GRIN2A: variants seen among roughly 807,000 people sequenced by gnomAD.
GRIN2A encodes the protein glutamate ionotropic receptor NMDA type subunit 2A, also known as glutamate receptor ionotropic, NMDA 2A.
In GRIN2A, 22 loss-of-function variants were observed where a neutral mutation model predicts 113.4. That is an observed-to-expected ratio of 0.19 (90% CI 0.14 to 0.28). The LOEUF (loss-of-function observed/expected upper bound fraction) is 0.28, where lower values mean the gene tolerates loss of function less well. Among genes scored for constraint, GRIN2A ranks in the 10% least tolerant of loss-of-function variants. The pLI is 1.00. For missense variants in GRIN2A, 1,502 were observed against 1,887.0 expected, an observed-to-expected ratio of 0.80 and a Z score of 3.78; for synonymous variants, 827 against 738.4, an observed-to-expected ratio of 1.12 and a Z score of -1.94.
At chr16:10,067,722 C>T (rs1319006792) in intron 2 of GRIN2A, among the ~76,000 whole-genome samples, 1 of 152,090 alleles carries the variant, frequency 6.6e-6, no homozygotes, top group Non-Finnish European at 1.5e-5. Flanking sequence ...TGGTTCTATA[C>T]TGGGGACACA....
intron 2 of GRIN2A, among the ~76,000 whole-genome samples, chr16:10,072,946 C>CCCCTT (rs565877354): frequency 1.2e-4 from 13 of 104,232 alleles, no homozygotes; most frequent in South Asian, 3.3e-4. Flanking sequence ...ACAAGACCCC[C>CCCCTT]TTTTTTTTTT....
chr16:10,001,416 G>A (rs1227788731), intron 2 of GRIN2A, among the ~76,000 whole-genome samples: 1 of 152,204 alleles, frequency 6.6e-6, no homozygotes, highest in Non-Finnish European at 1.5e-5. Flanking sequence ...GGAATGACCA[G>A]TGGCAAAGAT....
Position 9,849,803 on chromosome 16 carries a change from C to G in GRIN2A, c.1281G>C (p.Glu427Asp). 1.9e-6 allele frequency: 3 copies of G among 1,614,112 alleles called. No homozygotes were observed. Among genetic ancestry groups the G allele is most frequent in the Non-Finnish European group, 1.7e-6 (2 of 1,180,006 alleles). ...VIVEDIDPLT[E>D]TCVRNTVPCR... ...ATGGCACGGTGTTCCTCACACACGTCTCGGTCAGGGGGTCTATGTCTTCCA... is the reference window on the plus strand; with the variant it reads ...ATGGCACGGTGTTCCTCACACACGTGTCGGTCAGGGGGTCTATGTCTTCCA... Residue 427 changes from glutamate to aspartate, a missense_variant, in exon 5 of 13, where the codon GAG (glutamate) becomes GAC (aspartate). Coordinates refer to ENST00000330684, the MANE Select transcript of GRIN2A (RefSeq NM_001134407.3).
intron 2 of GRIN2A, among the ~76,000 whole-genome samples, chr16:9,978,030 A>G (rs1380735727): frequency 2.0e-5 from 3 of 152,196 alleles, no homozygotes; most frequent in African/African-American, 7.2e-5. Context: ...GCTGTGCCAT[A>G]TATTCACTGG....
At chr16:10,099,481 A>ACCCC (rs55716830) in intron 2 of GRIN2A, among the ~76,000 whole-genome samples, 5 of 151,744 alleles carry the variant, frequency 3.3e-5, no homozygotes, top group African/African-American at 1.2e-4. Context: ...CCTCCCTTGC[A>ACCCC]CCCCCTTCCT....
At chr16:10,029,666 G>C (rs970221201) in intron 2 of GRIN2A, among the ~76,000 whole-genome samples, 1 of 152,108 alleles carries the variant, frequency 6.6e-6, no homozygotes, top group Admixed American at 6.5e-5. Flanking sequence ...ATTCATGCAG[G>C]GGCTTCTTCA....
At chr16:9,992,892 A>G (rs2046147952) in intron 2 of GRIN2A, among the ~76,000 whole-genome samples, 1 of 152,176 alleles carries the variant, frequency 6.6e-6, no homozygotes, top group Non-Finnish European at 1.5e-5. Context: ...TTCCTGCCAT[A>G]ATAATGATAA....
intron 3 of GRIN2A, among the ~76,000 whole-genome samples, chr16:9,900,796 A>G (rs907773941): frequency 4.6e-5 from 7 of 152,164 alleles, no homozygotes; most frequent in Non-Finnish European, 7.3e-5. Context: ...CTCATGACTA[A>G]GGATCACCTA....
intron 2 of GRIN2A, among the ~76,000 whole-genome samples, chr16:10,035,290 T>C (rs151072356): frequency 2.6e-4 from 39 of 152,258 alleles, no homozygotes; most frequent in African/African-American, 8.7e-4. Context: ...CCTCTCAAAA[T>C]GCTGAGATTA....
At chr16:10,116,435 T>C (rs2048729461) in intron 2 of GRIN2A, among the ~76,000 whole-genome samples, 1 of 152,228 alleles carries the variant, frequency 6.6e-6, no homozygotes, top group Non-Finnish European at 1.5e-5. Context: ...GTAACAAACC[T>C]ATGTTCTGTA....
intron 2 of GRIN2A, among the ~76,000 whole-genome samples, chr16:10,154,968 A>G (rs1204462935): frequency 6.6e-6 from 1 of 152,244 alleles, no homozygotes; most frequent in Non-Finnish European, 1.5e-5. Context: ...TTTGGGAAAC[A>G]TTCGTTCAAA....
chr16:10,073,033 G>A (rs1270334511), intron 2 of GRIN2A, among the ~76,000 whole-genome samples: 1 of 140,000 alleles, frequency 7.1e-6, no homozygotes, highest in Non-Finnish European at 1.5e-5. Flanking sequence ...TCGGCTTACT[G>A]CAACCTCCTC....
intron 2 of GRIN2A, among the ~76,000 whole-genome samples, chr16:9,953,489 C>T (rs1416722356): frequency 1.3e-5 from 2 of 152,048 alleles, no homozygotes; most frequent in Non-Finnish European, 2.9e-5. Context: ...GCTTTTGAAA[C>T]CTCCCTGCAG....
At chr16:9,795,311 A>ACTGCTACACTCCCACCAG (rs1902911047) in intron 11 of GRIN2A, among the ~76,000 whole-genome samples, 1 of 152,110 alleles carries the variant, frequency 6.6e-6, no homozygotes, top group African/African-American at 2.4e-5. Context: ...GGTCGTCCCC[A>ACTGCTACACTCCCACCAG]CTGCTACACT....
chr16:10,009,252 G>C (rs952452381), intron 2 of GRIN2A, among the ~76,000 whole-genome samples: 2 of 152,186 alleles, frequency 1.3e-5, no homozygotes, highest in Admixed American at 6.5e-5. Flanking sequence ...GACACATACA[G>C]ATGCTGATTT....
chr16:10,175,550 T>C (rs1229184082), intron 2 of GRIN2A, among the ~76,000 whole-genome samples: 2 of 152,206 alleles, frequency 1.3e-5, no homozygotes, highest in Non-Finnish European at 2.9e-5. Context: ...TCCTAAGTGC[T>C]CTACAATGAA....
chr16:9,905,767 A>T (rs1032876278), intron 3 of GRIN2A, among the ~76,000 whole-genome samples: 1 of 152,110 alleles, frequency 6.6e-6, no homozygotes, highest in Non-Finnish European at 1.5e-5. Flanking sequence ...GGAGGGGTGC[A>T]CCTGTCCCAT....
At position 9,763,969 on chromosome 16, in the gene GRIN2A, G is replaced by A. The variant is rs1304220791; in HGVS notation, c.3575C>T (p.Thr1192Ile). ...DQYKLYSKHF[T>I]LKDKGSPHSE... ...GTGCGGGGAACCCTTGTCTTTCAAG[G>A]TGAAGTGCTTGGAGTAGAGTTTATA... The change falls in exon 13 of 13, where the codon ACC becomes ATC. Residue 1192 changes from threonine (T) to isoleucine (I), a missense_variant. This residue lies in a region of GRIN2A where 832 missense variants were observed against 789.7 expected (regional missense o/e 1.05). Transcript: ENST00000330684. 6.2e-7 allele frequency: 1 copy of A among 1,614,168 alleles called. No homozygotes were observed.
intron 2 of GRIN2A, among the ~76,000 whole-genome samples, chr16:10,130,026 C>G (rs2049029432): frequency 6.6e-6 from 1 of 152,156 alleles, no homozygotes; most frequent in Non-Finnish European, 1.5e-5. Flanking sequence ...TCAAAGGTGA[C>G]TTGTAGGTTT....
Sources: gnomAD v4.1 joint callset for allele counts (sites outside exome capture counted in the v4.1 genomes callset) on GRCh38, gnomAD v4.1.1 for gene constraint, gnomAD v4.1.1 regional missense constraint, MANE v1.5 for transcripts, NCBI Gene and HGNC (gene_info 2026-07-23, HGNC 2026-07-21) for gene names.